The following MICALL2 variants were observed in gnomAD, a reference collection of about 807,000 sequenced individuals.
MICALL2 encodes the protein MICAL-like protein 2.
Under a neutral mutation model 91.1 loss-of-function variants are expected in MICALL2, and 111 were observed. The ratio of observed to expected loss-of-function variants is 1.22; its 90% CI spans 1.04 to 1.43. The LOEUF is 1.43. MICALL2 is among the 40% of genes most tolerant of loss of function. MICALL2 has a pLI of 0.00. For synonymous variants in MICALL2, 694 were observed against 525.3 expected (o/e 1.32, Z -4.39); for missense variants, 1,556 against 1,236.0 (o/e 1.26, Z -3.88).
Position 1,434,520 on chromosome 7 carries a change from G to T in MICALL2, c.*76C>A. ...GCCCCGAGTACAAGTCCGGGTTCCGGGTCCGGGCCAAGCCCATGGCCCCGA... is the reference window on the plus strand; with the variant it reads ...GCCCCGAGTACAAGTCCGGGTTCCGTGTCCGGGCCAAGCCCATGGCCCCGA... On this transcript the variant is annotated 3_prime_UTR_variant, in exon 17 of 17. Transcript: ENST00000297508. 1 of 1,351,264 alleles carries T rather than the reference G, an allele frequency of 7.4e-7. No individual in the cohort carries two copies. The highest frequency in any genetic ancestry group is 1.1e-6 in the Non-Finnish European group (1 of 941,576). The allele number at this position is 1,351,264 out of a possible 1,614,324, so 83.7% of individuals were successfully genotyped here.
intron 6 of MICALL2, among the ~76,000 whole-genome samples, chr7:1,443,169 G>A (rs1160589894): frequency 2.0e-5 from 3 of 148,114 alleles, no homozygotes; most frequent in Non-Finnish European, 4.5e-5. Flanking sequence ...CAGAGGAGCT[G>A]GGGTCCTCCC....
Position 1,434,499 on chromosome 7 carries a change from C to A in MICALL2, c.*97G>T. On this transcript the variant is annotated 3_prime_UTR_variant, in exon 17 of 17. Coordinates refer to ENST00000297508, the MANE Select transcript of MICALL2 (RefSeq NM_182924.4). ...CGGGTCCGGGCCGAGCCCACGGCCC[C>A]GAGTACAAGTCCGGGTTCCGGGTCC... 9.0e-7 allele frequency: 1 copy of A among 1,110,682 alleles called. No homozygotes were observed. Among genetic ancestry groups the A allele is most frequent in the East Asian group, 2.4e-5 (1 of 42,074 alleles). The allele number at this position is 1,110,682 out of a possible 1,614,324, so 68.8% of individuals were successfully genotyped here. A position where few individuals can be genotyped will look rare whatever the true frequency, so the allele number is the denominator to read the frequency against.
At position 1,459,292 on chromosome 7, in the gene MICALL2, C is replaced by T; in HGVS notation, c.35G>A (p.Arg12Gln). ...GTCGCGGTAGCCCTCGCACTGCTGC[C>T]GGCACCACTGTTGCAGCGCCCTGAT... is the stretch of plus-strand genomic sequence containing the variant. ...AAIRALQQWC[R>Q]QQCEGYRDVN... Residue 12 changes from arginine (R) to glutamine (Q), a missense_variant, in exon 1 of 17, where the codon CGG becomes CAG. By Grantham distance (43) the Arg-to-Gln change is conservative. Transcript: ENST00000297508. 1.9e-6 allele frequency: 3 copies of T among 1,599,172 alleles called. No individual in the cohort carries two copies. The highest frequency in any genetic ancestry group is 1.1e-5 in the South Asian group (1 of 88,912).
At chr7:1,454,913 G>C (rs1349982124) in intron 1 of MICALL2, among the ~76,000 whole-genome samples, 1 of 152,182 alleles carries the variant, frequency 6.6e-6, no homozygotes, top group Non-Finnish European at 1.5e-5. Context: ...TCCTGGCCCA[G>C]CCCTGAGCCC....
intron 14 of MICALL2, 179 bp downstream of exon 14, chr7:1,437,356 T>C (rs2128519007): frequency 5.0e-6 from 3 of 605,660 alleles, no homozygotes; most frequent in East Asian, 3.0e-5. Flanking sequence ...TTAAGTACCT[T>C]GGCTGAGGAC....
intron 6 of MICALL2, among the ~76,000 whole-genome samples, chr7:1,443,269 A>AC (rs1337734002): frequency 7.0e-6 from 1 of 142,302 alleles, no homozygotes; most frequent in Non-Finnish European, 1.5e-5. Flanking sequence ...TGCCCTGGAC[A>AC]CCCCCCAGTG....
chr7:1,437,292 T>C (rs990896491), intron 14 of MICALL2: 6 of 501,536 alleles, frequency 1.2e-5, no homozygotes, highest in Non-Finnish European at 2.1e-5. Flanking sequence ...CTGCGTGAGG[T>C]GGGTGCTACA....
chr7:1,448,729 G>A lies in MICALL2; in HGVS notation c.225C>T (p.Ile75=). The A allele has an allele frequency of 6.2e-7, 1 of 1,612,776 alleles. No individual in the cohort carries two copies. The highest frequency in any genetic ancestry group is 1.7e-4 in the Middle Eastern group (1 of 6,060). The change falls in exon 3 of 17, where the codon ATC becomes ATT. Residue 75 remains isoleucine, a synonymous_variant. Coordinates refer to ENST00000297508, the MANE Select transcript of MICALL2 (RefSeq NM_182924.4). ...TGTCCTCGGCATCCAGCAAGGCTGGGATGCCCAAGTGCTCCTCGGCCACGC... is the reference window on the plus strand; with the variant it reads ...TGTCCTCGGCATCCAGCAAGGCTGGAATGCCCAAGTGCTCCTCGGCCACGC... ...AFRVAEEHLG[I]PALLDAEDMV...
intron 15 of MICALL2, among the ~76,000 whole-genome samples, chr7:1,436,279 G>C (rs1199009565): frequency 1.3e-5 from 2 of 151,508 alleles, no homozygotes; most frequent in African/African-American, 2.4e-5. Flanking sequence ...CTACTCAGGA[G>C]GCTGAGGCAG....
At chr7:1,455,401 C>T (rs989395691) in intron 1 of MICALL2, among the ~76,000 whole-genome samples, 1 of 152,324 alleles carries the variant, frequency 6.6e-6, no homozygotes, top group Non-Finnish European at 1.5e-5. Context: ...GGCCTGGCTG[C>T]AGAGAACCCA....
At position 1,440,089 on chromosome 7, in the gene MICALL2, G is replaced by C. The variant is rs754316219; in HGVS notation, c.1806-4C>G. ...TGGTTCCTTGGGCTTCAGAGTCCTG[G>C]GCAGAAGGCATGAGGTCGGAACCCG... is the stretch of plus-strand genomic sequence containing the variant. On this transcript the variant is annotated splice_region_variant and splice_polypyrimidine_tract_variant and intron_variant, in intron 8 of 16. Coordinates refer to ENST00000297508, the MANE Select transcript of MICALL2 (RefSeq NM_182924.4). The C allele has an allele frequency of 3.2e-6, 5 of 1,586,584 alleles. No individual in the cohort carries two copies. Among genetic ancestry groups the C allele is most frequent in the South Asian group, 1.2e-5 (1 of 86,424 alleles).
intron 9 of MICALL2, 137 bp from the exon 10 acceptor site, chr7:1,439,132 T>G (rs1010092392): frequency 1.1e-5 from 8 of 707,060 alleles, no homozygotes; most frequent in African/African-American, 1.8e-5. Context: ...GGCACAGGGT[T>G]GGCATCACAA....
intron 2 of MICALL2, among the ~76,000 whole-genome samples, chr7:1,449,661 G>A (rs1358954195): frequency 6.6e-6 from 1 of 152,282 alleles, no homozygotes; most frequent in African/African-American, 2.4e-5. Flanking sequence ...GGGCAGGGAC[G>A]TGGCCGGGGC....
chr7:1,437,403 T>C (rs1262650591), intron 14 of MICALL2, 132 bp downstream of exon 14: 4 of 688,236 alleles, frequency 5.8e-6, no homozygotes, highest in Non-Finnish European at 9.0e-6. Flanking sequence ...AACTCAAACG[T>C]GGGCTCGCCT....
intron 1 of MICALL2, chr7:1,450,650 C>T: frequency 4.7e-6 from 1 of 214,478 alleles, no homozygotes; most frequent in Non-Finnish European, 9.5e-6. Context: ...GGGGGCTCTT[C>T]CCATCACAAC....
intron 15 of MICALL2, among the ~76,000 whole-genome samples, chr7:1,435,410 G>T (rs943045410): frequency 6.6e-6 from 1 of 152,142 alleles, no homozygotes; most frequent in Non-Finnish European, 1.5e-5. Context: ...TGGGACAGAA[G>T]GGCCTGGGCC....
chr7:1,442,144 C>T (rs201058659), intron 7 of MICALL2, 48 bp downstream of exon 7: 4 of 1,598,204 alleles, frequency 2.5e-6, no homozygotes, highest in Non-Finnish European at 3.4e-6. Context: ...GGGAGAGTCC[C>T]AGAGCTGCGG....
chr7:1,443,727 G>A (rs997383808), intron 6 of MICALL2, among the ~76,000 whole-genome samples: 1 of 152,212 alleles, frequency 6.6e-6, no homozygotes, highest in African/African-American at 2.4e-5. Context: ...GCTGGGAGCT[G>A]GAAGAGACAA....
At chr7:1,440,798 AC>A in intron 7 of MICALL2, 114 bp from the exon 8 acceptor site, 3 of 873,030 alleles carry the variant, frequency 3.4e-6, no homozygotes, top group Non-Finnish European at 5.5e-6. Flanking sequence ...ACCCTCAGAC[AC>A]CCCCACAGCC....
Sources: gnomAD v4.1 joint callset for allele counts (sites outside exome capture counted in the v4.1 genomes callset) on GRCh38, gnomAD v4.1.1 for gene constraint, MANE v1.5 for transcripts, NCBI Gene and HGNC (gene_info 2026-07-23, HGNC 2026-07-21) for gene names.